PDE4D: variants seen among roughly 807,000 people sequenced by gnomAD.
PDE4D encodes 3',5'-cyclic-AMP phosphodiesterase 4D.
PDE4D carries 24 observed loss-of-function variants against 87.4 expected under a neutral mutation model. The observed-to-expected ratio is 0.27, with a 90% CI of 0.20 to 0.39. PDE4D has a LOEUF of 0.39. PDE4D is among the 10% of genes least tolerant of loss of function. The pLI, the probability that PDE4D is intolerant of heterozygous loss-of-function variation, is 1.00. For missense variants in PDE4D, 714 were observed against 1,041.0 expected, an observed-to-expected ratio of 0.69 and a Z score of 4.32; for synonymous variants, 384 against 383.2, an observed-to-expected ratio of 1.00 and a Z score of -0.02.
At chr5:59,481,574 G>T (rs934246644) in intron 1 of PDE4D, among the ~76,000 whole-genome samples, 3 of 152,050 alleles carry the variant, frequency 2.0e-5, no homozygotes, top group African/African-American at 7.2e-5. Flanking sequence ...GTGCATTTGG[G>T]TGGTGGTAAG....
intron 1 of PDE4D, among the ~76,000 whole-genome samples, chr5:59,600,739 C>T (rs1827386173): frequency 6.6e-6 from 1 of 152,076 alleles, no homozygotes; most frequent in Non-Finnish European, 1.5e-5. Flanking sequence ...AAACACACTT[C>T]AAAATAAGAT....
At chr5:60,173,558 T>TAC (rs373576079) in intron 2 of PDE4D, among the ~76,000 whole-genome samples, 1,531 of 150,350 alleles carry the variant, frequency 0.01, 17 homozygotes, top group African/African-American at 0.029. Flanking sequence ...TAACAGAAAT[T>TAC]ACACACACAC....
intron 1 of PDE4D, among the ~76,000 whole-genome samples, chr5:59,407,718 T>C (rs1185491118): frequency 6.6e-6 from 1 of 152,214 alleles, no homozygotes; most frequent in Non-Finnish European, 1.5e-5. Context: ...AGGTCACCCA[T>C]GTTATACCTT....
chr5:60,000,421 GAC>G (rs1387171446), intron 2 of PDE4D, among the ~76,000 whole-genome samples: 1 of 152,176 alleles, frequency 6.6e-6, no homozygotes, highest in African/African-American at 2.4e-5. Flanking sequence ...AAGGGAGTGG[GAC>G]AATATATTCA....
chr5:59,517,828 A>G (rs1811449753), intron 1 of PDE4D, among the ~76,000 whole-genome samples: 1 of 152,196 alleles, frequency 6.6e-6, no homozygotes, highest in Non-Finnish European at 1.5e-5. Context: ...TGTCAATGTA[A>G]TGGTCATTAC....
chr5:60,186,905 G>A (rs987442623), intron 1 of PDE4D, among the ~76,000 whole-genome samples: 1 of 152,084 alleles, frequency 6.6e-6, no homozygotes, highest in Non-Finnish European at 1.5e-5. Flanking sequence ...CCTTTTTAAA[G>A]GCTGAAAATA....
chr5:59,151,860 G>A (rs1779527743), intron 5 of PDE4D, among the ~76,000 whole-genome samples: 1 of 152,112 alleles, frequency 6.6e-6, no homozygotes, highest in Non-Finnish European at 1.5e-5. Flanking sequence ...GAGAAAAGAG[G>A]AGATTTAGAC....
intron 2 of PDE4D, among the ~76,000 whole-genome samples, chr5:60,029,819 G>T (rs1454458497): frequency 5.3e-5 from 8 of 152,114 alleles, no homozygotes; most frequent in Admixed American, 2.6e-4. Context: ...GTGCTTGTTG[G>T]TGGTGGTGAT....
intron 1 of PDE4D, among the ~76,000 whole-genome samples, chr5:60,431,627 G>A (rs1232238922): frequency 3.3e-5 from 5 of 151,158 alleles, no homozygotes; most frequent in African/African-American, 9.7e-5. Flanking sequence ...CGTCCCAGAC[G>A]ATGGGCGGCC....
At chr5:59,466,017 T>G (rs1801538936) in intron 1 of PDE4D, among the ~76,000 whole-genome samples, 1 of 152,204 alleles carries the variant, frequency 6.6e-6, no homozygotes, top group Non-Finnish European at 1.5e-5. Context: ...TATATCTGCA[T>G]TCAATGACAT....
chr5:59,393,172 G>A (rs1041508712), intron 1 of PDE4D, among the ~76,000 whole-genome samples: 5 of 152,104 alleles, frequency 3.3e-5, no homozygotes, highest in African/African-American at 1.2e-4. Flanking sequence ...CATATGGAAA[G>A]AAATATACTG....
rs1361149498 is a variant in PDE4D, at chr5:59,893,485, G to C, written c.138C>G (p.Pro46=). ...EQHHQYPLRQ[P]QFRLLHPHHH... The stretch of plus-strand genomic sequence containing the variant: ...GATGGGGATGCAGGAGGCGGAACTG[G>C]GGCTGCCGGAGCGGGTACTGGTGGT... The change falls in exon 1 of 15, where the codon CCC becomes CCG. Residue 46 remains proline, a synonymous_variant. Transcript: ENST00000340635. 1.9e-6 allele frequency: 3 copies of C among 1,540,284 alleles called. No homozygotes were observed. In the Admixed American group the frequency reaches 6.0e-5, roughly 31 times the overall value.
chr5:59,862,557 T>C (rs1235233900), intron 1 of PDE4D, among the ~76,000 whole-genome samples: 23 of 150,956 alleles, frequency 1.5e-4, no homozygotes, highest in Admixed American at 1.5e-3. Flanking sequence ...CCAGGTCACT[T>C]AACCACTCTA....
intron 3 of PDE4D, among the ~76,000 whole-genome samples, chr5:59,966,066 C>T (rs1760008006): frequency 6.6e-6 from 1 of 152,168 alleles, no homozygotes; most frequent in African/African-American, 2.4e-5. Context: ...GGAGCCCTCA[C>T]AAGTGAGGAT....
chr5:60,073,929 A>G (rs771051485), intron 2 of PDE4D, among the ~76,000 whole-genome samples: 3 of 152,006 alleles, frequency 2.0e-5, no homozygotes, highest in Non-Finnish European at 2.9e-5. Context: ...CTTCTTTATT[A>G]GTCTAGCTAG....
At chr5:60,504,342 T>C (rs534159969) in intron 1 of PDE4D, among the ~76,000 whole-genome samples, 1 of 152,242 alleles carries the variant, frequency 6.6e-6, no homozygotes, top group East Asian at 1.9e-4. Context: ...AAGGTTTTTT[T>C]TTTTAGGTCT....
At chr5:60,199,267 C>G (rs1255250934) in intron 1 of PDE4D, among the ~76,000 whole-genome samples, 1 of 151,694 alleles carries the variant, frequency 6.6e-6, no homozygotes, top group Non-Finnish European at 1.5e-5. Flanking sequence ...GAGGACCTGA[C>G]ACACAGAAGA....
At chr5:59,691,098 T>C (rs1750833751) in intron 1 of PDE4D, among the ~76,000 whole-genome samples, 2 of 152,112 alleles carry the variant, frequency 1.3e-5, no homozygotes, top group South Asian at 4.1e-4. Context: ...TGTGGAGAAA[T>C]AGGAACAGTT....
chr5:60,224,278 A>G (rs1036093960), intron 1 of PDE4D, among the ~76,000 whole-genome samples: 1 of 151,828 alleles, frequency 6.6e-6, no homozygotes, highest in South Asian at 2.1e-4. Flanking sequence ...AAGTTAGACA[A>G]CTCTGTCTAT....
Sources: gnomAD v4.1 joint callset for allele counts (sites outside exome capture counted in the v4.1 genomes callset) on GRCh38, gnomAD v4.1.1 for gene constraint, MANE v1.5 for transcripts, NCBI Gene and HGNC (gene_info 2026-07-23, HGNC 2026-07-21) for gene names.